UCHL3: variants seen among roughly 807,000 people sequenced by gnomAD.
The protein encoded by UCHL3 is ubiquitin C-terminal hydrolase L3.
UCHL3 carries 22 observed loss-of-function variants against 35.8 expected under a neutral mutation model. That is an observed-to-expected ratio of 0.61 (90% CI 0.44 to 0.88). The LOEUF (loss-of-function observed/expected upper bound fraction) is 0.88. Among genes scored for constraint, UCHL3 ranks in the 40% least tolerant of loss-of-function variants. The pLI is 0.00. For synonymous variants in UCHL3, 90 were observed against 92.8 expected (o/e 0.97, Z 0.17); for missense variants, 229 against 276.9 (o/e 0.83, Z 1.23).
intron 6 of UCHL3, among the ~76,000 whole-genome samples, chr13:75,574,547 A>C (rs1034220944): frequency 1.3e-5 from 2 of 152,226 alleles, no homozygotes; most frequent in Non-Finnish European, 2.9e-5. Flanking sequence ...TAGCTTAGGC[A>C]GGATACTTTC....
intron 6 of UCHL3, among the ~76,000 whole-genome samples, chr13:75,593,564 G>A (rs2032567760): frequency 6.6e-6 from 1 of 152,146 alleles, no homozygotes; most frequent in Admixed American, 6.5e-5. Context: ...TGGCATTAGA[G>A]GGGCTACCAC....
At position 75,583,822 on chromosome 13, in the gene UCHL3, A is replaced by G. The variant is rs572678554; in HGVS notation, c.475-11093A>G. Among the ~76,000 whole-genome samples the G allele has an allele frequency of 3.3e-5, 5 of 152,372 alleles. 1 individual carries two copies. In the South Asian group the frequency reaches 1.0e-3, roughly 32 times the overall value. On this transcript the variant is annotated intron_variant, in intron 6 of 8. Transcript: ENST00000377595. The stretch of plus-strand genomic sequence containing the variant: ...CAAAATTTATGGGTAATGAAACAAA[A>G]TAGCTAAAAATTTTAACAAATTGCT...
At chr13:75,602,025 C>T (rs1479561932) in intron 7 of UCHL3, among the ~76,000 whole-genome samples, 6 of 152,110 alleles carry the variant, frequency 3.9e-5, no homozygotes, top group South Asian at 2.1e-4. Context: ...AGGAGAATGG[C>T]GTGAACCCGG....
chr13:75,592,902 T>G (rs1314818744), intron 6 of UCHL3, among the ~76,000 whole-genome samples: 1 of 152,112 alleles, frequency 6.6e-6, no homozygotes, highest in Non-Finnish European at 1.5e-5. Context: ...ATATAACACT[T>G]AACAGTTTAC....
At chr13:75,596,011 G>T (rs983236817) in intron 7 of UCHL3, among the ~76,000 whole-genome samples, 1 of 151,972 alleles carries the variant, frequency 6.6e-6, no homozygotes, top group East Asian at 1.9e-4. Flanking sequence ...TCTAGATACC[G>T]TGAGTTTTGG....
intron 3 of UCHL3, among the ~76,000 whole-genome samples, chr13:75,566,365 A>G (rs1276323080): frequency 6.6e-6 from 1 of 152,170 alleles, no homozygotes; most frequent in African/African-American, 2.4e-5. Flanking sequence ...TCTTAGACCA[A>G]TCTCCTACAA....
chr13:75,572,818 C>T (rs191279201), intron 6 of UCHL3, among the ~76,000 whole-genome samples: 4 of 152,238 alleles, frequency 2.6e-5, no homozygotes, highest in African/African-American at 9.6e-5. Flanking sequence ...TTTGTGCACT[C>T]CAGGGTGGAA....
chr13:75,589,945 C>T (rs771659221), intron 6 of UCHL3: 31 of 1,303,546 alleles, frequency 2.4e-5, no homozygotes, highest in South Asian at 1.7e-4. Context: ...TAGTCCTCCT[C>T]GCCATCCTCA....
intron 2 of UCHL3, among the ~76,000 whole-genome samples, chr13:75,555,533 C>T (rs1271375673): frequency 6.6e-6 from 1 of 152,060 alleles, no homozygotes; most frequent in Non-Finnish European, 1.5e-5. Context: ...GAAGATCTCC[C>T]AACATTATCT....
rs150682636 is a variant in UCHL3, at chr13:75,595,384, G to A, written c.550+394G>A. Among the ~76,000 whole-genome samples, 235 of 151,760 alleles carry A rather than the reference G, an allele frequency of 1.5e-3. 1 individual carries two copies. The highest frequency in any genetic ancestry group is 5.4e-3 in the African/African-American group (223 of 41,380). On this transcript the variant is annotated intron_variant, in intron 7 of 8. Coordinates refer to ENST00000377595, the MANE Select transcript of UCHL3 (RefSeq NM_006002.5). ...AGGCTGAGGCAGGCGGATAACCTGA[G>A]CTCAGGAGTTCAAGATCAGCCTGAC...
chr13:75,578,077 A>G (rs1263192442), intron 6 of UCHL3, among the ~76,000 whole-genome samples: 5 of 152,154 alleles, frequency 3.3e-5, no homozygotes, highest in Non-Finnish European at 7.4e-5. Flanking sequence ...GCATCTATGT[A>G]TATTTGCTAC....
At chr13:75,563,468 C>T (rs932743786) in intron 3 of UCHL3, among the ~76,000 whole-genome samples, 2 of 152,068 alleles carry the variant, frequency 1.3e-5, no homozygotes, top group African/African-American at 4.8e-5. Context: ...TGACTCATTA[C>T]CCTTTAAAGT....
At chr13:75,549,596 T>C (rs957442488), upstream of UCHL3, 9 of 467,234 alleles carry the variant, frequency 1.9e-5, no homozygotes, top group Non-Finnish European at 3.3e-5. Flanking sequence ...AATTGGCTTA[T>C]TTTTTTCTCC....
rs546657200 is a variant in UCHL3, at chr13:75,592,415, CATATATATATATATATATATATATAT to C, written c.475-2473_475-2448del. On this transcript the variant is annotated intron_variant, in intron 6 of 8. Transcript: ENST00000377595. ...TAAAGTGGAATTTTAATTTTTCCTT[CATATATATATATATATATATATATAT>C]ATATATATATATATATATATATATA... Among the ~76,000 whole-genome samples the C allele has an allele frequency of 8.6e-4, 35 of 40,652 alleles. 1 individual carries two copies. The South Asian group carries it at 0.015, about 18-fold the overall frequency. The allele number at this position is 40,652 out of a possible 152,430, so 26.7% of individuals were successfully genotyped here.
upstream of UCHL3, chr13:75,549,779 A>G: frequency 1.9e-6 from 2 of 1,065,072 alleles, no homozygotes; most frequent in South Asian, 4.0e-5. Context: ...GGCGGCGGCG[A>G]AGGCGGCGGC....
chr13:75,589,866 C>T (rs74094452), intron 6 of UCHL3: 26 of 1,135,790 alleles, frequency 2.3e-5, no homozygotes, highest in African/African-American at 1.3e-4. Context: ...CATGACCATA[C>T]GTTGCTTTTA....
At chr13:75,556,720 G>C (rs1180284555) in intron 2 of UCHL3, among the ~76,000 whole-genome samples, 1 of 152,198 alleles carries the variant, frequency 6.6e-6, no homozygotes, top group Admixed American at 6.5e-5. Context: ...GGAGGGAAGA[G>C]ATGGTTATAG....
At chr13:75,574,157 G>T (rs933000499) in intron 6 of UCHL3, among the ~76,000 whole-genome samples, 7 of 151,954 alleles carry the variant, frequency 4.6e-5, no homozygotes, top group African/African-American at 1.7e-4. Context: ...GGCGGAGCTT[G>T]CAGTGAGCCG....
chr13:75,566,647 A>T, intron 3 of UCHL3, 48 bp from the exon 4 acceptor site: 1 of 1,194,800 alleles, frequency 8.4e-7, no homozygotes, highest in South Asian at 2.7e-5. Flanking sequence ...TGAGTTTTTT[A>T]ATATGTTATT....
Sources: gnomAD v4.1 joint callset for allele counts (sites outside exome capture counted in the v4.1 genomes callset) on GRCh38, gnomAD v4.1.1 for gene constraint, MANE v1.5 for transcripts, NCBI Gene and HGNC (gene_info 2026-07-23, HGNC 2026-07-21) for gene names.